Variants in FHIP1A observed in about 807,000 individuals in gnomAD.
FHIP1A encodes FHF complex subunit HOOK interacting protein 1A, also known as FHF complex subunit HOOK-interacting protein 1A.
Under a neutral mutation model 88.6 loss-of-function variants are expected in FHIP1A, and 61 were observed. The observed-to-expected ratio is 0.69, with a 90% CI of 0.56 to 0.85. The LOEUF (loss-of-function observed/expected upper bound fraction) is 0.85, where lower values mean the gene tolerates loss of function less well. Among genes scored for constraint, FHIP1A ranks in the 40% least tolerant of loss-of-function variants. The pLI is 0.00. For missense variants in FHIP1A, 1,154 were observed against 1,273.5 expected (o/e 0.91, Z 1.43); for synonymous variants, 478 against 496.0 (o/e 0.96, Z 0.48).
At chr4:151,637,942 G>C (rs1281246881) in intron 8 of FHIP1A, among the ~76,000 whole-genome samples, 1 of 152,100 alleles carries the variant, frequency 6.6e-6, no homozygotes, top group South Asian at 2.1e-4. Context: ...CAAAGAATGA[G>C]AGCTTAAAAT....
chr4:151,470,368 C>A (rs1197961517), intron 2 of FHIP1A, among the ~76,000 whole-genome samples: 1 of 152,170 alleles, frequency 6.6e-6, no homozygotes, highest in Non-Finnish European at 1.5e-5. Flanking sequence ...GAACATTTTC[C>A]AAAAGGAATA....
At chr4:151,543,925 TGGAAAAC>T (rs1732390932) in intron 3 of FHIP1A, among the ~76,000 whole-genome samples, 1 of 152,200 alleles carries the variant, frequency 6.6e-6, no homozygotes, top group Admixed American at 6.5e-5. Context: ...ACTTCTGTAG[TGGAAAAC>T]TCTAGGGTGT....
intron 3 of FHIP1A, among the ~76,000 whole-genome samples, chr4:151,486,944 G>A (rs1462371711): frequency 6.7e-6 from 1 of 149,270 alleles, no homozygotes; most frequent in African/African-American, 2.5e-5. Context: ...CTCCAGCCTA[G>A]GCAACAAGAG....
chr4:151,559,248 T>C (rs574838400), intron 3 of FHIP1A, among the ~76,000 whole-genome samples: 2 of 152,348 alleles, frequency 1.3e-5, no homozygotes, highest in South Asian at 4.1e-4. Context: ...ATTGCTATAC[T>C]TATGGTAGAC....
In FHIP1A at chr4:151,647,622, G is replaced by A. The variant is rs538021847; in HGVS notation, c.1417+874G>A. Among the ~76,000 whole-genome samples, 20 of 152,170 alleles carry A rather than the reference G, an allele frequency of 1.3e-4. No homozygotes were observed. In the East Asian group the frequency reaches 3.1e-3, roughly 23 times the overall value. On this transcript the variant is annotated intron_variant, in intron 10 of 13. Coordinates refer to ENST00000435205, the MANE Select transcript of FHIP1A (RefSeq NM_001109977.3). ...TTTGTAGAAATTAAGGTTGTCTTAC[G>A]GATTCTTGGTCTTTATATAAAGATG...
chr4:151,490,522 C>G (rs1019386110), intron 3 of FHIP1A, among the ~76,000 whole-genome samples: 11 of 152,096 alleles, frequency 7.2e-5, no homozygotes, highest in African/African-American at 2.7e-4. Flanking sequence ...CTCTTGAGTT[C>G]CAGATCTTTC....
At chr4:151,615,091 A>G (rs927788155) in intron 7 of FHIP1A, among the ~76,000 whole-genome samples, 6 of 152,212 alleles carry the variant, frequency 3.9e-5, no homozygotes, top group Non-Finnish European at 8.8e-5. Context: ...GTAAAAGGGC[A>G]GGGAGTGGTT....
chr4:151,646,356 T>G (rs1371704828), intron 9 of FHIP1A, among the ~76,000 whole-genome samples: 2 of 152,136 alleles, frequency 1.3e-5, no homozygotes, highest in East Asian at 3.9e-4. Context: ...TAAAGACCAT[T>G]AAGTGCTTTG....
chr4:151,527,280 G>A (rs1395763981), intron 3 of FHIP1A, among the ~76,000 whole-genome samples: 1 of 152,152 alleles, frequency 6.6e-6, no homozygotes, highest in Non-Finnish European at 1.5e-5. Context: ...CCGGCACCTC[G>A]GGAGGCCGAG....
intron 7 of FHIP1A, among the ~76,000 whole-genome samples, chr4:151,626,792 T>A (rs1243434643): frequency 6.6e-6 from 1 of 152,196 alleles, no homozygotes; most frequent in Non-Finnish European, 1.5e-5. Flanking sequence ...TCCTCCATAA[T>A]GGGTGCATGA....
chr4:151,566,622 G>A (rs1733398655), intron 4 of FHIP1A, among the ~76,000 whole-genome samples: 1 of 152,122 alleles, frequency 6.6e-6, no homozygotes, highest in African/African-American at 2.4e-5. Context: ...AACAGCAGTT[G>A]TTCTTTAAAG....
chr4:151,595,783 CCTT>C (rs1251887658), intron 7 of FHIP1A, among the ~76,000 whole-genome samples: 1 of 151,998 alleles, frequency 6.6e-6, no homozygotes, highest in Admixed American at 6.5e-5. Flanking sequence ...TATGTAATGC[CCTT>C]CTTTGTCTCT....
At position 151,582,622 on chromosome 4, in the gene FHIP1A, T is replaced by C. The variant is rs535801616; in HGVS notation, c.733-4019T>C. 2.6e-5 allele frequency among the ~76,000 whole-genome samples: 4 copies of C among 152,332 alleles called. No homozygotes were observed. The East Asian group carries it at 7.7e-4, about 29-fold the overall frequency. On this transcript the variant is annotated intron_variant, in intron 5 of 13. Coordinates refer to ENST00000435205, the MANE Select transcript of FHIP1A (RefSeq NM_001109977.3). Reference sequence around the variant, plus strand: ...TTGTTTGCTTTTTTGTCTGTTGTTATCCTTGTGGTTTTACATGGTGATTAG... The same window carrying C: ...TTGTTTGCTTTTTTGTCTGTTGTTACCCTTGTGGTTTTACATGGTGATTAG...
intron 4 of FHIP1A, among the ~76,000 whole-genome samples, chr4:151,567,140 A>G (rs966374243): frequency 2.6e-5 from 4 of 152,164 alleles, no homozygotes; most frequent in African/African-American, 9.7e-5. Context: ...ATGTTCAGAA[A>G]ATTTACTATT....
chr4:151,546,737 A>G (rs900223834), intron 3 of FHIP1A, among the ~76,000 whole-genome samples: 3 of 152,212 alleles, frequency 2.0e-5, no homozygotes, highest in South Asian at 2.1e-4. Context: ...GGGATTCAAT[A>G]TTTGGCTTAA....
intron 1 of FHIP1A, among the ~76,000 whole-genome samples, chr4:151,433,123 A>T (rs1030228262): frequency 1.1e-4 from 17 of 152,154 alleles, no homozygotes; most frequent in African/African-American, 3.9e-4. Flanking sequence ...AGCTTGCTTC[A>T]GGTGAGCAGA....
intron 4 of FHIP1A, among the ~76,000 whole-genome samples, chr4:151,573,365 C>T (rs1306934839): frequency 1.3e-5 from 2 of 152,018 alleles, no homozygotes; most frequent in African/African-American, 2.4e-5. Context: ...ATCCGCAAAA[C>T]GTTTAAGTTG....
chr4:151,584,690 A>G (rs1340262070), intron 5 of FHIP1A, among the ~76,000 whole-genome samples: 1 of 152,112 alleles, frequency 6.6e-6, no homozygotes, highest in Non-Finnish European at 1.5e-5. Context: ...ATGTTGTCCT[A>G]TAAAACCCTG....
chr4:151,489,500 C>T (rs897976568), intron 3 of FHIP1A, among the ~76,000 whole-genome samples: 6 of 152,154 alleles, frequency 3.9e-5, no homozygotes, highest in African/African-American at 1.2e-4. Context: ...GCAGAAGCTA[C>T]AGCCAAAGGT....
Sources: gnomAD v4.1 joint callset for allele counts (sites outside exome capture counted in the v4.1 genomes callset) on GRCh38, gnomAD v4.1.1 for gene constraint, MANE v1.5 for transcripts, NCBI Gene and HGNC (gene_info 2026-07-23, HGNC 2026-07-21) for gene names.